Variants in TMEM100 observed in about 807,000 individuals in gnomAD.
TMEM100 encodes the protein transmembrane protein 100.
For synonymous variants in TMEM100, 61 were observed against 67.1 expected, an observed-to-expected ratio of 0.91 and a Z score of 0.44; for missense variants, 137 against 168.2, an observed-to-expected ratio of 0.81 and a Z score of 1.02.
chr17:55,722,850 C>G lies in TMEM100; in HGVS notation c.-297G>C, dbSNP rs1384999951. 6.6e-6 allele frequency: 1 copy of G among 152,284 alleles called. No homozygotes were observed. Among genetic ancestry groups the G allele is most frequent in the African/African-American group, 2.4e-5 (1 of 41,444 alleles). The allele number at this position is 152,284 out of a possible 1,614,324, so 9.4% of individuals were successfully genotyped here. A position where few individuals can be genotyped will look rare whatever the true frequency, so the allele number is the denominator to read the frequency against. Reference sequence around the variant, plus strand: ...AGTTCCTGCTTCTTTCAGGCTACCTCTGTTCCTAAATGACGCTTGTCTTTC... The same window carrying G: ...AGTTCCTGCTTCTTTCAGGCTACCTGTGTTCCTAAATGACGCTTGTCTTTC... On this transcript the variant is annotated 5_prime_UTR_variant, in exon 1 of 2. Coordinates refer to ENST00000424486, the MANE Select transcript of TMEM100 (RefSeq NM_018286.3).
rs1423760882 is a variant in TMEM100, at chr17:55,720,756, C to T, written c.315G>A (p.Leu105=). The change falls in exon 2 of 2, where the codon TTG becomes TTA. Residue 105 remains leucine (L), a synonymous_variant. Transcript: ENST00000424486. ...TGCTCCTTTGTCTCACTTTCCAGCA[C>T]AAGGCACTGGAGGCTAGTAAAAAAA... ...SGLFLLASSA[L]CWKVRQRSKK... The T allele has an allele frequency of 1.2e-6, 2 of 1,614,208 alleles. No individual in the cohort carries two copies. The highest frequency in any genetic ancestry group is 2.2e-5 in the East Asian group (1 of 44,880).
At chr17:55,723,977 T>C (rs970999288), upstream of TMEM100, among the ~76,000 whole-genome samples, 1 of 152,224 alleles carries the variant, frequency 6.6e-6, no homozygotes, top group African/African-American at 2.4e-5. Context: ...ATTGTCTTTT[T>C]GAGGAGAAAA....
rs752650659 is a variant in TMEM100 at position 55,720,747 on chromosome 17, T to G, written c.324A>C (p.Lys108Asn). Residue 108 changes from lysine (K) to asparagine (N), a missense_variant, in exon 2 of 2, where the codon AAA (lysine) becomes AAC (asparagine). Physicochemically the swap from Lys to Asn is moderately conservative, Grantham distance 94 (BLOSUM62 0). Coordinates refer to ENST00000424486, the MANE Select transcript of TMEM100 (RefSeq NM_018286.3). ...FLLASSALCW[K>N]VRQRSKKAKR... is the part of the protein sequence containing the mutation. ...TGGCTTTCTTGCTCCTTTGTCTCACTTTCCAGCACAAGGCACTGGAGGCTA... is the reference window on the plus strand; with the variant it reads ...TGGCTTTCTTGCTCCTTTGTCTCACGTTCCAGCACAAGGCACTGGAGGCTA... The G allele has an allele frequency of 4.3e-6, 7 of 1,614,200 alleles. No individual in the cohort carries two copies. The highest frequency in any genetic ancestry group is 5.9e-6 in the Non-Finnish European group (7 of 1,180,040).
At position 55,719,674 on chromosome 17, in the gene TMEM100, G is replaced by C. The variant is rs1908796050; in HGVS notation, c.*992C>G. ...TTTAATAGCACATTATAAAGTTCCT[G>C]ACCAAAGACGTTGATTTCCTAATTA... is the stretch of plus-strand genomic sequence containing the variant. On this transcript the variant is annotated 3_prime_UTR_variant, in exon 2 of 2. Coordinates refer to ENST00000424486, the MANE Select transcript of TMEM100 (RefSeq NM_018286.3). 1 of 152,168 alleles carries C rather than the reference G, an allele frequency of 6.6e-6. No individual in the cohort carries two copies. 9.4% of individuals were successfully genotyped at this position (152,168 alleles called of 1,614,324 possible). A position where few individuals can be genotyped will look rare whatever the true frequency, so the allele number is the denominator to read the frequency against.
upstream of TMEM100, among the ~76,000 whole-genome samples, chr17:55,726,268 A>G (rs1294692552): frequency 2.6e-5 from 4 of 151,392 alleles, no homozygotes; most frequent in Non-Finnish European, 5.9e-5. Flanking sequence ...CAAAAATCTC[A>G]TTTTTTTTTC....
In TMEM100 at chr17:55,721,236, A is replaced by T. The variant is rs137934934; in HGVS notation, c.-65-101T>A. 7.9e-6 allele frequency: 6 copies of T among 762,116 alleles called. No individual in the cohort carries two copies. The East Asian group carries it at 1.4e-4, about 18-fold the overall frequency. 47.2% of individuals were successfully genotyped at this position (762,116 alleles called of 1,614,324 possible). ...GGCACCTCCTTTCTAGGAGGCACAG[A>T]TCCATGTGAAAAGCAACTTTACTCT... On this transcript the variant is annotated intron_variant, in intron 1 of 1. Transcript: ENST00000424486.
upstream of TMEM100, among the ~76,000 whole-genome samples, chr17:55,727,220 T>G (rs759047686): frequency 2.6e-5 from 4 of 152,194 alleles, no homozygotes; most frequent in Non-Finnish European, 5.9e-5. Flanking sequence ...ACACCGAAAC[T>G]CCTGCCATCC....
chr17:55,729,835 C>A (rs1909161549), intron 1 of TMEM100, among the ~76,000 whole-genome samples: 1 of 152,068 alleles, frequency 6.6e-6, no homozygotes. Context: ...CTATGCAATT[C>A]TTTTTTACAG....
upstream of TMEM100, among the ~76,000 whole-genome samples, chr17:55,724,284 G>T (rs1304024456): frequency 6.6e-6 from 1 of 152,180 alleles, no homozygotes; most frequent in Non-Finnish European, 1.5e-5. Flanking sequence ...GGGACCAGAA[G>T]TTGTTTATTC....
intron 1 of TMEM100, among the ~76,000 whole-genome samples, chr17:55,730,715 C>T (rs899591067): frequency 7.2e-5 from 11 of 152,236 alleles, no homozygotes; most frequent in East Asian, 1.9e-4. Flanking sequence ...TTGATATTCA[C>T]GATGTGTGTG....
chr17:55,728,029 C>G (rs1173278844), intron 1 of TMEM100: 3 of 152,230 alleles, frequency 2.0e-5, no homozygotes, highest in African/African-American at 7.2e-5. Context: ...GGTTCAGAGA[C>G]TGGCCCTGTT....
intron 1 of TMEM100, among the ~76,000 whole-genome samples, chr17:55,730,273 G>A (rs1019184920): frequency 5.9e-5 from 9 of 152,226 alleles, no homozygotes; most frequent in African/African-American, 1.9e-4. Context: ...GAAATCGGAT[G>A]TAAATTTAAA....
At position 55,720,759 on chromosome 17, in the gene TMEM100, G is replaced by C; in HGVS notation, c.312C>G (p.Ala104=). The C allele has an allele frequency of 6.2e-7, 1 of 1,614,192 alleles. No individual in the cohort carries two copies. Among genetic ancestry groups the C allele is most frequent in the South Asian group, 1.1e-5 (1 of 91,084 alleles). The change falls in exon 2 of 2, where the codon GCC becomes GCG. Residue 104 remains alanine, a synonymous_variant. Coordinates refer to ENST00000424486, the MANE Select transcript of TMEM100 (RefSeq NM_018286.3). ...TCCTTTGTCTCACTTTCCAGCACAA[G>C]GCACTGGAGGCTAGTAAAAAAAGTC... ...SSGLFLLASS[A]LCWKVRQRSK... is the part of the protein sequence containing the mutation.
upstream of TMEM100, among the ~76,000 whole-genome samples, chr17:55,724,802 G>A (rs1909019809): frequency 6.6e-6 from 1 of 152,146 alleles, no homozygotes; most frequent in Non-Finnish European, 1.5e-5. Flanking sequence ...TTCATAGTAA[G>A]CCCTTGACTG....
At chr17:55,731,061 GAAT>G (rs1909194107) in intron 1 of TMEM100, among the ~76,000 whole-genome samples, 1 of 152,152 alleles carries the variant, frequency 6.6e-6, no homozygotes, top group Admixed American at 6.5e-5. Context: ...AGTCTACTTT[GAAT>G]TCCAGCTGTA....
At chr17:55,721,243 T>A in intron 1 of TMEM100, 108 bp from the exon 2 acceptor site, 1 of 707,716 alleles carries the variant, frequency 1.4e-6, no homozygotes, top group Non-Finnish European at 2.2e-6. Context: ...CAGATCCATG[T>A]GAAAAGCAAC....
upstream of TMEM100, among the ~76,000 whole-genome samples, chr17:55,726,911 T>A (rs575052736): frequency 8.1e-4 from 123 of 152,330 alleles, no homozygotes; most frequent in African/African-American, 2.8e-3. Context: ...GATCTGATAG[T>A]ACCAAGAGGA....
chr17:55,725,699 A>ATGTG (rs1395882413), upstream of TMEM100, among the ~76,000 whole-genome samples: 37 of 88,530 alleles, frequency 4.2e-4, no homozygotes, highest in Admixed American at 1.3e-3. Flanking sequence ...TAACCCATAT[A>ATGTG]TATGTGTGTG....
Position 55,720,713 on chromosome 17 carries a change from C to T in TMEM100, c.358G>A (p.Glu120Lys). 6.2e-7 allele frequency: 1 copy of T among 1,613,938 alleles called. No individual in the cohort carries two copies. The highest frequency in any genetic ancestry group is 8.5e-7 in the Non-Finnish European group (1 of 1,179,906). ...RQRSKKAKRR[E>K]SQTALVANQR... ...TTTGCCACGAGAGCTGTTTGACTCTCCCGTCTCTTGGCTTTCTTGCTCCTT... is the reference window on the plus strand; with the variant it reads ...TTTGCCACGAGAGCTGTTTGACTCTTCCGTCTCTTGGCTTTCTTGCTCCTT... The change falls in exon 2 of 2, where the codon GAG (glutamate) becomes AAG (lysine). Residue 120 changes from glutamate to lysine, a missense_variant. Glu to Lys is a moderately conservative substitution (Grantham distance 56). Transcript: ENST00000424486.
Sources: gnomAD v4.1 joint callset for allele counts (sites outside exome capture counted in the v4.1 genomes callset) on GRCh38, gnomAD v4.1.1 for gene constraint, MANE v1.5 for transcripts, NCBI Gene and HGNC (gene_info 2026-07-23, HGNC 2026-07-21) for gene names.